Variants in EEFSEC observed in about 807,000 individuals in gnomAD.
EEFSEC encodes the protein eukaryotic elongation factor, selenocysteine-tRNA specific.
EEFSEC carries 43 observed loss-of-function variants against 42.1 expected under a neutral mutation model. The observed-to-expected ratio is 1.02, with a 90% CI of 0.80 to 1.32. EEFSEC has a LOEUF of 1.32. Ranked by LOEUF, EEFSEC falls within the 40% of genes most tolerant of loss-of-function variation. The pLI, the probability that EEFSEC is intolerant of heterozygous loss-of-function variation, is 0.00. For missense variants in EEFSEC, 745 were observed against 803.6 expected, an observed-to-expected ratio of 0.93 and a Z score of 0.88; for synonymous variants, 354 against 339.1, an observed-to-expected ratio of 1.04 and a Z score of -0.48.
Position 128,398,342 on chromosome 3 carries a change from C to T in EEFSEC, c.1601-9727C>T, listed in dbSNP as rs7627366. 5.9e-3 allele frequency among the ~76,000 whole-genome samples: 905 copies of T among 152,214 alleles called. 6 individuals are homozygous for T. The highest frequency in any genetic ancestry group is 0.021 in the African/African-American group (871 of 41,504). On this transcript the variant is annotated intron_variant, in intron 6 of 6. Coordinates refer to ENST00000254730, the MANE Select transcript of EEFSEC (RefSeq NM_021937.5). ...TCATGGGTTCCCCAGGCCGAGGGAG[C>T]GCCAGTCCCGAGGCTGGGGCAGTGC...
intron 1 of EEFSEC, among the ~76,000 whole-genome samples, chr3:128,165,793 C>T (rs908657796): frequency 6.6e-6 from 1 of 152,234 alleles, no homozygotes; most frequent in Non-Finnish European, 1.5e-5. Flanking sequence ...AGGAACTTGC[C>T]TTGCTTGGCC....
chr3:128,418,929 A>G, the EEFSEC span, among the ~76,000 whole-genome samples: 1 of 152,190 alleles, frequency 6.6e-6, no homozygotes, highest in East Asian at 1.9e-4. Flanking sequence ...CCTCAAGACT[A>G]GGGGACATCA....
At chr3:128,178,984 A>G (rs1291346211) in intron 1 of EEFSEC, among the ~76,000 whole-genome samples, 7 of 152,194 alleles carry the variant, frequency 4.6e-5, no homozygotes, top group African/African-American at 1.7e-4. Context: ...GATTTTATAA[A>G]TATTTTTAGG....
intron 1 of EEFSEC, among the ~76,000 whole-genome samples, chr3:128,188,016 C>G (rs1047391130): frequency 3.3e-5 from 5 of 152,164 alleles, no homozygotes; most frequent in Non-Finnish European, 5.9e-5. Flanking sequence ...GGCTTTGTAT[C>G]TTGGACCAAA....
At position 128,159,664 on chromosome 3, in the gene EEFSEC, G is replaced by A. The variant is rs151320985; in HGVS notation, c.316+5841G>A. On this transcript the variant is annotated intron_variant, in intron 1 of 6. Transcript: ENST00000254730. ...GCTCCCCACTCTGACCTTCAGTCAC[G>A]GTGGCCTCATTTCTCTTCCTCCAGT... Among the ~76,000 whole-genome samples, 381 of 152,226 alleles carry A rather than the reference G, an allele frequency of 2.5e-3. 3 individuals are homozygous for A. The highest frequency in any genetic ancestry group is 8.7e-3 in the African/African-American group (362 of 41,526).
At chr3:128,378,974 G>GA (rs767277868) in intron 6 of EEFSEC, among the ~76,000 whole-genome samples, 2 of 152,252 alleles carry the variant, frequency 1.3e-5, no homozygotes, top group African/African-American at 4.8e-5. Flanking sequence ...TTGGTTGGGA[G>GA]AAAAGAGTTG....
chr3:128,234,447 C>A (rs555739488), intron 1 of EEFSEC, among the ~76,000 whole-genome samples: 7 of 152,190 alleles, frequency 4.6e-5, no homozygotes, highest in African/African-American at 1.4e-4. Flanking sequence ...ATGCCCATCA[C>A]CCTTGAGTCA....
chr3:128,331,401 C>G (rs868731270), intron 4 of EEFSEC, among the ~76,000 whole-genome samples: 11 of 124,738 alleles, frequency 8.8e-5, no homozygotes, highest in Middle Eastern at 4.5e-3. Context: ...ATCTTCCCCC[C>G]TTCCTAAATG....
At chr3:128,425,211 C>G in the EEFSEC span, among the ~76,000 whole-genome samples, 1 of 152,226 alleles carries the variant, frequency 6.6e-6, no homozygotes, top group Non-Finnish European at 1.5e-5. Flanking sequence ...CCAGCATTCA[C>G]TCATCTCTTT....
intron 6 of EEFSEC, among the ~76,000 whole-genome samples, chr3:128,365,787 T>C (rs964561783): frequency 1.2e-4 from 18 of 152,184 alleles, no homozygotes; most frequent in Non-Finnish European, 2.6e-4. Context: ...CACAAGGACC[T>C]CTCCAATTTA....
In EEFSEC at chr3:128,399,099, T is replaced by TA. The variant is rs869169761; in HGVS notation, c.1601-8967dup. Among the ~76,000 whole-genome samples the TA allele has an allele frequency of 3.9e-3, 476 of 120,826 alleles. 2 individuals are homozygous for TA. The highest frequency in any genetic ancestry group is 0.019 in the African/African-American group (421 of 22,126). The allele number at this position is 120,826 out of a possible 152,430, so 79.3% of individuals were successfully genotyped here. On this transcript the variant is annotated intron_variant, in intron 6 of 6. Transcript: ENST00000254730. Reference sequence around the variant, plus strand: ...AAAAATAAATAAATAAATAAATAAATAAATAAAATAAAAAAAAACCCTTCC... The same window carrying TA: ...AAAAATAAATAAATAAATAAATAAATAAAATAAAATAAAAAAAAACCCTTCC...
At chr3:128,227,512 T>C (rs1023562882) in intron 1 of EEFSEC, among the ~76,000 whole-genome samples, 4 of 152,206 alleles carry the variant, frequency 2.6e-5, no homozygotes, top group Non-Finnish European at 5.9e-5. Flanking sequence ...TGTCCTGCCT[T>C]GGTTTCTTTG....
At chr3:128,355,302 AG>A (rs968572750) in intron 5 of EEFSEC, among the ~76,000 whole-genome samples, 4 of 152,150 alleles carry the variant, frequency 2.6e-5, no homozygotes, top group Non-Finnish European at 5.9e-5. Flanking sequence ...CTGGGGGCCA[AG>A]GGGAGAGGAG....
intron 1 of EEFSEC, among the ~76,000 whole-genome samples, chr3:128,198,469 C>T (rs972684744): frequency 6.6e-6 from 1 of 152,230 alleles, no homozygotes; most frequent in African/African-American, 2.4e-5. Context: ...CAGAACACAA[C>T]AACATCTTCC....
intron 4 of EEFSEC, among the ~76,000 whole-genome samples, chr3:128,283,109 C>T (rs2066545978): frequency 6.6e-6 from 1 of 152,250 alleles, no homozygotes; most frequent in South Asian, 2.1e-4. Flanking sequence ...CAGAGGAGCC[C>T]TTTCAGGCAC....
At chr3:128,294,918 A>C (rs148078189) in intron 4 of EEFSEC, among the ~76,000 whole-genome samples, 1 of 152,218 alleles carries the variant, frequency 6.6e-6, no homozygotes, top group Non-Finnish European at 1.5e-5. Context: ...TTGATGAACT[A>C]TCAATCTCTT....
intron 1 of EEFSEC, among the ~76,000 whole-genome samples, chr3:128,233,113 C>G (rs1319845144): frequency 6.6e-6 from 1 of 152,216 alleles, no homozygotes; most frequent in African/African-American, 2.4e-5. Flanking sequence ...TTCTTCCAGT[C>G]CCTGGATTTA....
chr3:128,273,713 C>T (rs1015440763), intron 4 of EEFSEC, among the ~76,000 whole-genome samples: 1 of 152,212 alleles, frequency 6.6e-6, no homozygotes, highest in African/African-American at 2.4e-5. Flanking sequence ...CCTGATAGGC[C>T]TAAGCATTTC....
chr3:128,322,274 C>A (rs1045674966), intron 4 of EEFSEC, among the ~76,000 whole-genome samples: 18 of 152,226 alleles, frequency 1.2e-4, no homozygotes, highest in African/African-American at 4.3e-4. Flanking sequence ...GTGACTGAAG[C>A]CAGCATGCCT....
Sources: gnomAD v4.1 joint callset for allele counts (sites outside exome capture counted in the v4.1 genomes callset) on GRCh38, gnomAD v4.1.1 for gene constraint, MANE v1.5 for transcripts, NCBI Gene and HGNC (gene_info 2026-07-23, HGNC 2026-07-21) for gene names.